The following TSGA10 variants were observed in gnomAD, a reference collection of about 807,000 sequenced individuals.
TSGA10 encodes testis-specific gene 10 protein.
A neutral mutation model predicts 96.6 loss-of-function variants in TSGA10; 43 were observed. That is an observed-to-expected ratio of 0.44 (90% CI 0.35 to 0.57). The LOEUF (loss-of-function observed/expected upper bound fraction) is 0.57. TSGA10 is among the 20% of genes least tolerant of loss of function. The probability of loss-of-function intolerance (pLI) is 0.01; values close to 1 mark genes in which losing one functional copy is unlikely to be tolerated. For missense variants in TSGA10, 703 were observed against 834.4 expected, an observed-to-expected ratio of 0.84 and a Z score of 1.94; for synonymous variants, 229 against 269.9, an observed-to-expected ratio of 0.85 and a Z score of 1.48.
Position 98,998,037 on chromosome 2 carries a change from G to A in TSGA10, c.*160C>T. ...TTTTTATAAGTCATCTCAGATCACT[G>A]CAACATGGCACATTAGAACAGAGAT... is the stretch of plus-strand genomic sequence containing the variant. On this transcript the variant is annotated 3_prime_UTR_variant, in exon 21 of 21. Transcript: ENST00000393483. 1 of 669,352 alleles carries A rather than the reference G, an allele frequency of 1.5e-6. No individual in the cohort carries two copies. The highest frequency in any genetic ancestry group is 2.3e-5 in the South Asian group (1 of 44,118). The allele number at this position is 669,352 out of a possible 1,614,324, so 41.5% of individuals were successfully genotyped here.
intron 16 of TSGA10, among the ~76,000 whole-genome samples, chr2:99,043,145 A>G (rs1003952832): frequency 1.3e-5 from 2 of 151,058 alleles, no homozygotes; most frequent in Non-Finnish European, 2.9e-5. Flanking sequence ...AGATATGATG[A>G]CAATGTCTCA....
intron 1 of TSGA10, among the ~76,000 whole-genome samples, chr2:99,149,187 G>A (rs1480005456): frequency 7.0e-6 from 1 of 141,932 alleles, no homozygotes; most frequent in Non-Finnish European, 1.6e-5. Context: ...AAAAAAAAAT[G>A]GGTGAGGGAT....
chr2:99,134,424 TC>T (rs2093239710), intron 1 of TSGA10, among the ~76,000 whole-genome samples: 1 of 152,162 alleles, frequency 6.6e-6, no homozygotes, highest in African/African-American at 2.4e-5. Flanking sequence ...GTTTTTCAGC[TC>T]CAACAGGTCA....
chr2:99,056,816 CAA>C (rs747141525), intron 16 of TSGA10, among the ~76,000 whole-genome samples: 1,031 of 75,632 alleles, frequency 0.014, 11 homozygotes, highest in African/African-American at 0.048. Flanking sequence ...CAAAATCCTT[CAA>C]AAAAAAAAAA....
intron 20 of TSGA10, among the ~76,000 whole-genome samples, chr2:99,003,886 A>T (rs1351812584): frequency 6.6e-6 from 1 of 152,254 alleles, no homozygotes; most frequent in Non-Finnish European, 1.5e-5. Flanking sequence ...TCACAATTAA[A>T]AGAACTATAG....
chr2:99,031,796 T>C (rs1488199470), intron 17 of TSGA10, among the ~76,000 whole-genome samples: 1 of 152,148 alleles, frequency 6.6e-6, no homozygotes, highest in Admixed American at 6.5e-5. Context: ...GCAGCAGCAT[T>C]AGATTCTCAT....
intron 2 of TSGA10, among the ~76,000 whole-genome samples, chr2:99,122,842 G>C (rs1168096658): frequency 6.7e-6 from 1 of 149,664 alleles, no homozygotes; most frequent in Non-Finnish European, 1.5e-5. Flanking sequence ...CATATTTTTT[G>C]CTCTATATAT....
At chr2:99,050,862 G>A (rs955727516) in intron 16 of TSGA10, among the ~76,000 whole-genome samples, 1 of 151,998 alleles carries the variant, frequency 6.6e-6, no homozygotes, top group East Asian at 1.9e-4. Flanking sequence ...CACACATGAT[G>A]GTGGGCCCAT....
At chr2:99,148,429 A>G (rs2093654074) in intron 1 of TSGA10, 1 of 152,170 alleles carries the variant, frequency 6.6e-6, no homozygotes, top group Admixed American at 6.6e-5. Context: ...GAGTCCCAGA[A>G]AGCCAAATAT....
chr2:99,078,874 G>A, intron 11 of TSGA10, 61 bp from the exon 12 acceptor site: 1 of 1,407,756 alleles, frequency 7.1e-7, no homozygotes, highest in Non-Finnish European at 9.6e-7. Context: ...TCTATTTCAA[G>A]CAGATTATCG....
chr2:99,022,793 C>A (rs1471010093), intron 17 of TSGA10, among the ~76,000 whole-genome samples: 1 of 152,144 alleles, frequency 6.6e-6, no homozygotes, highest in Non-Finnish European at 1.5e-5. Context: ...TACTATTTTA[C>A]ATTTCCACCA....
chr2:99,109,235 C>G (rs1258552725), intron 6 of TSGA10, among the ~76,000 whole-genome samples, 154 bp downstream of exon 6: 1 of 152,198 alleles, frequency 6.6e-6, no homozygotes, highest in African/African-American at 2.4e-5. Flanking sequence ...CAGTAGTCTA[C>G]TGTGCCATCA....
Position 99,018,559 on chromosome 2 carries a change from T to C in TSGA10, c.1899A>G (p.Gln633=). The C allele has an allele frequency of 6.2e-7, 1 of 1,614,044 alleles. No homozygotes were observed. Among genetic ancestry groups the C allele is most frequent in the Non-Finnish European group, 8.5e-7 (1 of 1,179,970 alleles). The change falls in exon 19 of 21, where the codon CAA becomes CAG. Residue 633 remains glutamine (Q), a synonymous_variant. Coordinates refer to ENST00000393483, the MANE Select transcript of TSGA10 (RefSeq NM_025244.4). ...ACCTTTCAAAGCGCTCTGTTCCTAG[T>C]TGTCTTTTGGTAATGTCTAAATCAG... The part of the protein sequence containing the change: ...LEADLDITKR[Q]LGTERFERER...
rs985113186 is a variant in TSGA10 at position 98,998,097 on chromosome 2, T to C, written c.*100A>G. On this transcript the variant is annotated 3_prime_UTR_variant, in exon 21 of 21. Coordinates refer to ENST00000393483, the MANE Select transcript of TSGA10 (RefSeq NM_025244.4). ...CAAAGTTAATAAATACATTTAACAT[T>C]GCCAAGCATTTAAAAGATAAATGCA... 1.0e-6 allele frequency: 1 copy of C among 983,660 alleles called. No homozygotes were observed. The highest frequency in any genetic ancestry group is 1.6e-5 in the African/African-American group (1 of 60,994). 60.9% of individuals were successfully genotyped at this position (983,660 alleles called of 1,614,324 possible). A position where few individuals can be genotyped will look rare whatever the true frequency, so the allele number is the denominator to read the frequency against.
intron 1 of TSGA10, among the ~76,000 whole-genome samples, chr2:99,140,590 G>A (rs2093498454): frequency 6.6e-6 from 1 of 151,956 alleles, no homozygotes; most frequent in African/African-American, 2.4e-5. Flanking sequence ...ACAAAAGCCA[G>A]CTTTCCCTGC....
chr2:99,129,773 C>T (rs948290643), intron 1 of TSGA10, among the ~76,000 whole-genome samples: 13 of 152,138 alleles, frequency 8.5e-5, no homozygotes, highest in Non-Finnish European at 1.5e-4. Context: ...CTTTTTTATG[C>T]TATCCCTCCC....
At chr2:99,141,591 C>G (rs1042810084) in intron 1 of TSGA10, 3 of 102,318 alleles carry the variant, frequency 2.9e-5, no homozygotes, top group Admixed American at 2.0e-4. Context: ...CCTAGACGCC[C>G]GAGCCGAGCG....
intron 16 of TSGA10, among the ~76,000 whole-genome samples, chr2:99,046,543 T>C (rs145352929): frequency 0.054 from 8,240 of 152,152 alleles, 423 homozygotes; most frequent in East Asian, 0.21. Flanking sequence ...AGACACAACA[T>C]ACTAGAATCT....
intron 16 of TSGA10, among the ~76,000 whole-genome samples, chr2:99,050,369 T>G (rs955600603): frequency 1.3e-5 from 2 of 152,142 alleles, no homozygotes; most frequent in African/African-American, 2.4e-5. Flanking sequence ...TTAAAACATT[T>G]CAGATTTCAG....
Sources: allele counts gnomAD v4.1 joint callset (sites outside exome capture counted in the v4.1 genomes callset), GRCh38; gene constraint gnomAD v4.1.1; transcripts MANE v1.5; gene names NCBI Gene and HGNC (gene_info 2026-07-23, HGNC 2026-07-21).